Variants in SLC44A5 observed in about 807,000 individuals in gnomAD.
SLC44A5 encodes the protein choline transporter-like protein 5.
A neutral mutation model predicts 101.8 loss-of-function variants in SLC44A5; 57 were observed. The observed-to-expected ratio is 0.56, with a 90% CI of 0.45 to 0.70. The LOEUF (loss-of-function observed/expected upper bound fraction) is 0.70, where lower values mean the gene tolerates loss of function less well. SLC44A5 is among the 30% of genes least tolerant of loss of function. The probability of loss-of-function intolerance (pLI) is 0.00; values close to 1 mark genes in which losing one functional copy is unlikely to be tolerated. For missense variants in SLC44A5, 737 were observed against 853.1 expected (o/e 0.86, Z 1.70); for synonymous variants, 281 against 290.9 (o/e 0.97, Z 0.35).
intron 2 of SLC44A5, among the ~76,000 whole-genome samples, chr1:75,488,151 T>C (rs1357974615): frequency 6.6e-6 from 1 of 152,080 alleles, no homozygotes; most frequent in Non-Finnish European, 1.5e-5. Flanking sequence ...TGATGATGAG[T>C]TCTATAATTA....
At chr1:75,238,940 T>C (rs553788085) in intron 9 of SLC44A5, among the ~76,000 whole-genome samples, 2 of 152,242 alleles carry the variant, frequency 1.3e-5, no homozygotes, top group South Asian at 2.1e-4. Flanking sequence ...CAATGATACA[T>C]ACCATTCATG....
chr1:75,373,758 C>T lies in SLC44A5; in HGVS notation c.52+22825G>A, dbSNP rs187001247. On this transcript the variant is annotated intron_variant, in intron 3 of 23. Transcript: ENST00000370859. The stretch of plus-strand genomic sequence containing the variant: ...CACAGCACAGCCTCTACTGCCCCAC[C>T]TGAGTGTTTTGCCAGCTGTCTGGGA... Among the ~76,000 whole-genome samples, 368 of 152,260 alleles carry T rather than the reference C, an allele frequency of 2.4e-3. 4 individuals are homozygous for T. The highest frequency in any genetic ancestry group is 7.9e-3 in the South Asian group (38 of 4,826).
At chr1:75,627,927 C>G in the SLC44A5 span, among the ~76,000 whole-genome samples, 1 of 148,638 alleles carries the variant, frequency 6.7e-6, no homozygotes, top group East Asian at 2.0e-4. Flanking sequence ...TATAGTCCAT[C>G]TAATTCAGTT....
intron 2 of SLC44A5, among the ~76,000 whole-genome samples, chr1:75,427,344 T>C (rs1307580506): frequency 6.6e-6 from 1 of 152,198 alleles, no homozygotes; most frequent in Non-Finnish European, 1.5e-5. Context: ...AACAAATCAG[T>C]CTAAATTAGA....
At chr1:75,627,650 C>T in the SLC44A5 span, among the ~76,000 whole-genome samples, 2 of 151,518 alleles carry the variant, frequency 1.3e-5, no homozygotes, top group Non-Finnish European at 2.9e-5. Flanking sequence ...GTCACCCACT[C>T]CAGCCTGACC....
At chr1:75,354,026 T>C (rs1251154718) in intron 3 of SLC44A5, 2 of 331,266 alleles carry the variant, frequency 6.0e-6, no homozygotes, top group Non-Finnish European at 1.2e-5. Context: ...TTTCACTCAC[T>C]ACTGATTTTT....
intron 2 of SLC44A5, among the ~76,000 whole-genome samples, chr1:75,468,585 C>T (rs1243434526): frequency 1.3e-5 from 2 of 152,080 alleles, no homozygotes; most frequent in Non-Finnish European, 2.9e-5. Flanking sequence ...ACAAACATTC[C>T]ATGTTCTCAC....
the SLC44A5 span, among the ~76,000 whole-genome samples, chr1:75,685,907 C>A: frequency 6.6e-6 from 1 of 152,158 alleles, no homozygotes; most frequent in Non-Finnish European, 1.5e-5. Flanking sequence ...TTAATTGACT[C>A]ACAGTTCCAC....
At chr1:75,545,812 C>T (rs909319633) in intron 1 of SLC44A5, among the ~76,000 whole-genome samples, 2 of 120,398 alleles carry the variant, frequency 1.7e-5, no homozygotes, top group Non-Finnish European at 3.3e-5. Flanking sequence ...ATTAACCATT[C>T]TTTTTTCTTT....
In SLC44A5 at chr1:75,584,886, C is replaced by T. The variant is rs1673908499; in HGVS notation, c.-70+26154G>A. On this transcript the variant is annotated intron_variant, in intron 1 of 23. Transcript: ENST00000370859. Reference sequence around the variant, plus strand: ...TGCTGGGATTACAGGTGTGAGCCACCATGCCCAGTGGGGTTTTTACAATTT... The same window carrying T: ...TGCTGGGATTACAGGTGTGAGCCACTATGCCCAGTGGGGTTTTTACAATTT... Among the ~76,000 whole-genome samples the T allele has an allele frequency of 2.0e-5, 3 of 152,126 alleles. No homozygotes were observed. In the South Asian group the frequency reaches 6.2e-4, roughly 32 times the overall value.
At chr1:75,703,557 T>C in the SLC44A5 span, among the ~76,000 whole-genome samples, 39,653 of 151,804 alleles carry the variant, frequency 0.26, 6,451 homozygotes, top group East Asian at 0.68. Flanking sequence ...ATATACCTAA[T>C]GTTAAGTGAT....
chr1:75,659,293 G>T, the SLC44A5 span, among the ~76,000 whole-genome samples: 6 of 113,810 alleles, frequency 5.3e-5, no homozygotes, highest in East Asian at 1.7e-3. Flanking sequence ...ACCAAACAAA[G>T]ATTTTTTTAA....
chr1:75,533,195 T>G (rs2101925349), intron 2 of SLC44A5, among the ~76,000 whole-genome samples: 1 of 152,338 alleles, frequency 6.6e-6, no homozygotes, highest in Non-Finnish European at 1.5e-5. Flanking sequence ...ATGTCTACAT[T>G]GTTTACTATC....
chr1:75,679,448 G>A, the SLC44A5 span, among the ~76,000 whole-genome samples: 1 of 152,092 alleles, frequency 6.6e-6, no homozygotes, highest in South Asian at 2.1e-4. Flanking sequence ...AGAGAGTGGG[G>A]GCCAATATTC....
chr1:75,549,398 A>T (rs75662871), intron 1 of SLC44A5, among the ~76,000 whole-genome samples: 1 of 152,110 alleles, frequency 6.6e-6, no homozygotes, highest in African/African-American at 2.4e-5. Flanking sequence ...TCAAATATTC[A>T]TGAAACTAAA....
At chr1:75,395,402 A>T (rs1405098599) in intron 3 of SLC44A5, among the ~76,000 whole-genome samples, 3 of 152,178 alleles carry the variant, frequency 2.0e-5, no homozygotes, top group Admixed American at 6.5e-5. Flanking sequence ...CCCTGAGATT[A>T]AAAAATTACA....
chr1:75,317,828 A>G (rs1001386749), intron 4 of SLC44A5, among the ~76,000 whole-genome samples: 1 of 152,104 alleles, frequency 6.6e-6, no homozygotes, highest in Non-Finnish European at 1.5e-5. Flanking sequence ...CACTAATCCC[A>G]TCAGTAGGAC....
At chr1:75,247,020 G>A (rs1490755576) in intron 7 of SLC44A5, among the ~76,000 whole-genome samples, 1 of 151,992 alleles carries the variant, frequency 6.6e-6, no homozygotes, top group African/African-American at 2.4e-5. Context: ...GGGCATTTAA[G>A]CAAAGAAGAG....
At chr1:75,370,757 G>A (rs1347089512) in intron 3 of SLC44A5, among the ~76,000 whole-genome samples, 2 of 152,184 alleles carry the variant, frequency 1.3e-5, no homozygotes, top group African/African-American at 4.8e-5. Context: ...GTATATGGTA[G>A]GCTAATGAGA....
Sources: allele counts gnomAD v4.1 joint callset (sites outside exome capture counted in the v4.1 genomes callset), GRCh38; gene constraint gnomAD v4.1.1; transcripts MANE v1.5; gene names NCBI Gene and HGNC (gene_info 2026-07-23, HGNC 2026-07-21).